The following LMBR1 variants were observed in gnomAD, a reference collection of about 807,000 sequenced individuals.
The protein encoded by LMBR1 is limb region 1 protein homolog.
LMBR1 carries 52 observed loss-of-function variants against 73.9 expected under a neutral mutation model. The ratio of observed to expected loss-of-function variants is 0.70; its 90% CI spans 0.56 to 0.89. The LOEUF is 0.89. Among genes scored for constraint, LMBR1 ranks in the 40% least tolerant of loss-of-function variants. The probability of loss-of-function intolerance (pLI) is 0.00; values close to 1 mark genes in which losing one functional copy is unlikely to be tolerated. For missense variants in LMBR1, 539 were observed against 579.8 expected, an observed-to-expected ratio of 0.93 and a Z score of 0.72; for synonymous variants, 215 against 209.4, an observed-to-expected ratio of 1.03 and a Z score of -0.23.
intron 1 of LMBR1, among the ~76,000 whole-genome samples, chr7:156,889,044 ACT>A (rs201087988): frequency 0.042 from 6,439 of 151,602 alleles, 188 homozygotes; most frequent in Admixed American, 0.049. Flanking sequence ...ACAGAGAAAG[ACT>A]CTGTCTCAAA....
At chr7:156,673,039 G>A (rs1309013473), downstream of LMBR1, among the ~76,000 whole-genome samples, 2 of 152,230 alleles carry the variant, frequency 1.3e-5, no homozygotes, top group African/African-American at 2.4e-5. Flanking sequence ...CAGATTCCCA[G>A]GAGCTGAGGC....
chr7:156,794,241 G>A (rs924023267), intron 5 of LMBR1, among the ~76,000 whole-genome samples: 1 of 152,042 alleles, frequency 6.6e-6, no homozygotes, highest in Non-Finnish European at 1.5e-5. Flanking sequence ...CAACTAACAT[G>A]GTCAAAGATG....
intron 4 of LMBR1, among the ~76,000 whole-genome samples, chr7:156,803,617 A>G (rs77928148): frequency 0.24 from 36,940 of 151,998 alleles, 5,020 homozygotes; most frequent in East Asian, 0.42. Context: ...TAGAAATGCC[A>G]TTTGACCCAG....
At chr7:156,860,748 G>A (rs1291406086) in intron 1 of LMBR1, among the ~76,000 whole-genome samples, 1 of 152,228 alleles carries the variant, frequency 6.6e-6, no homozygotes, top group African/African-American at 2.4e-5. Context: ...GGAGAAACTG[G>A]ACAAAACAAA....
chr7:156,879,711 C>A (rs1800776293), intron 1 of LMBR1, among the ~76,000 whole-genome samples: 1 of 151,040 alleles, frequency 6.6e-6, no homozygotes, highest in African/African-American at 2.4e-5. Context: ...AAACAATTCC[C>A]AAAAGAAGAT....
At chr7:156,880,341 CA>C (rs1405715013) in intron 1 of LMBR1, among the ~76,000 whole-genome samples, 1 of 151,944 alleles carries the variant, frequency 6.6e-6, no homozygotes, top group Non-Finnish European at 1.5e-5. Flanking sequence ...TTTGGGGACT[CA>C]GGGGGAAAGG....
chr7:156,699,923 G>A (rs1273519406), intron 15 of LMBR1, among the ~76,000 whole-genome samples: 2 of 152,216 alleles, frequency 1.3e-5, no homozygotes, highest in Non-Finnish European at 2.9e-5. Context: ...AGAGGATGTG[G>A]AGAAATAGGA....
At chr7:156,763,245 T>A in intron 6 of LMBR1, 69 bp from the exon 7 acceptor site, 3 of 661,284 alleles carry the variant, frequency 4.5e-6, no homozygotes, top group Non-Finnish European at 7.6e-6. Flanking sequence ...CAGTCTATCT[T>A]ACGATAAGAT....
chr7:156,688,765 C>T (rs1186675456), intron 15 of LMBR1, among the ~76,000 whole-genome samples: 1 of 152,134 alleles, frequency 6.6e-6, no homozygotes, highest in African/African-American at 2.4e-5. Flanking sequence ...GTCTTCACAG[C>T]ATACATAGAC....
chr7:156,812,172 C>G (rs896511468), intron 4 of LMBR1, among the ~76,000 whole-genome samples: 1 of 152,204 alleles, frequency 6.6e-6, no homozygotes, highest in Non-Finnish European at 1.5e-5. Flanking sequence ...CACGATACTA[C>G]TCACCTCAGT....
intron 9 of LMBR1, among the ~76,000 whole-genome samples, chr7:156,739,295 G>C (rs1419490892): frequency 6.6e-6 from 1 of 152,154 alleles, no homozygotes; most frequent in Non-Finnish European, 1.5e-5. Flanking sequence ...ACACCAACTA[G>C]ATTTCTAAAG....
At chr7:156,778,663 G>C (rs1826581768) in intron 5 of LMBR1, among the ~76,000 whole-genome samples, 1 of 152,242 alleles carries the variant, frequency 6.6e-6, no homozygotes, top group Middle Eastern at 3.4e-3. Flanking sequence ...AAATATACAA[G>C]TACTCAAAAT....
chr7:156,721,390 T>G (rs1323577833), intron 15 of LMBR1, among the ~76,000 whole-genome samples: 1 of 152,080 alleles, frequency 6.6e-6, no homozygotes, highest in African/African-American at 2.4e-5. Flanking sequence ...CAGAATCTAT[T>G]CTTCTAAAAT....
At position 156,835,694 on chromosome 7, in the gene LMBR1, C is replaced by CAA. The variant is rs59956909; in HGVS notation, c.139+1117_139+1118dup. ...TGGGCGACAGAGTGAGACTCCATCT[C>CAA]AAAAAAAAAAAAAAAAAAACATCAA... is the stretch of plus-strand genomic sequence containing the variant. On this transcript the variant is annotated intron_variant, in intron 2 of 16. Transcript: ENST00000353442. Among the ~76,000 whole-genome samples, 523 of 100,418 alleles carry CAA rather than the reference C, an allele frequency of 5.2e-3. 6 individuals carry two copies. The highest frequency in any genetic ancestry group is 0.018 in the African/African-American group (479 of 27,044). 65.9% of individuals were successfully genotyped at this position (100,418 alleles called of 152,430 possible). A position where few individuals can be genotyped will look rare whatever the true frequency, so the allele number is the denominator to read the frequency against.
chr7:156,737,836 T>A (rs1279584163), intron 9 of LMBR1, among the ~76,000 whole-genome samples: 1 of 152,158 alleles, frequency 6.6e-6, no homozygotes, highest in East Asian at 1.9e-4. Flanking sequence ...TCCTGTTTGA[T>A]GCATATGGGA....
intron 9 of LMBR1, among the ~76,000 whole-genome samples, chr7:156,753,325 G>C (rs1433396189): frequency 7.2e-5 from 11 of 152,022 alleles, no homozygotes; most frequent in Admixed American, 7.2e-4. Flanking sequence ...GCAAATGACA[G>C]GACTAGGTCA....
chr7:156,757,007 G>T (rs1191566789), intron 8 of LMBR1, among the ~76,000 whole-genome samples: 1 of 152,138 alleles, frequency 6.6e-6, no homozygotes, highest in Non-Finnish European at 1.5e-5. Context: ...AGTAGAGACG[G>T]GTTTCACCGT....
In LMBR1 at chr7:156,709,896, A is replaced by ATTT. The variant is rs34487923; in HGVS notation, c.1225+14213_1225+14215dup. Among the ~76,000 whole-genome samples the ATTT allele has an allele frequency of 1.7e-3, 154 of 90,360 alleles. 12 individuals carry two copies. Among genetic ancestry groups the ATTT allele is most frequent in the Non-Finnish European group, 1.7e-3 (82 of 48,018 alleles). 59.3% of individuals were successfully genotyped at this position (90,360 alleles called of 152,430 possible). ...GCCAGTTAAAGAATTCAGAAGGTTG[A>ATTT]TTTTTTTTTTTTTTTTTTTTTTTTT... On this transcript the variant is annotated intron_variant, in intron 15 of 16. Coordinates refer to ENST00000353442, the MANE Select transcript of LMBR1 (RefSeq NM_022458.4).
intron 1 of LMBR1, among the ~76,000 whole-genome samples, chr7:156,877,474 T>C (rs947078799): frequency 6.6e-6 from 1 of 152,182 alleles, no homozygotes; most frequent in Non-Finnish European, 1.5e-5. Context: ...ATATCCTTGA[T>C]GAAGACAGAT....
Sources: allele counts gnomAD v4.1 joint callset (sites outside exome capture counted in the v4.1 genomes callset), GRCh38; gene constraint gnomAD v4.1.1; transcripts MANE v1.5; gene names NCBI Gene and HGNC (gene_info 2026-07-23, HGNC 2026-07-21).